Variants in EIPR1 observed in about 807,000 individuals in gnomAD.
EIPR1 encodes the protein EARP and GARP complex-interacting protein 1.
EIPR1 carries 25 observed loss-of-function variants against 48.1 expected under a neutral mutation model. The observed-to-expected ratio is 0.52, with a 90% CI of 0.38 to 0.73. The LOEUF (loss-of-function observed/expected upper bound fraction) is 0.73. EIPR1 is among the 30% of genes least tolerant of loss of function. EIPR1 has a pLI of 0.00. For missense variants in EIPR1, 415 were observed against 506.2 expected (o/e 0.82, Z 1.73); for synonymous variants, 204 against 201.9 (o/e 1.01, Z -0.09).
chr2:3,214,320 A>G, intron 4 of EIPR1, 72 bp from the exon 5 acceptor site: 1 of 1,381,590 alleles, frequency 7.2e-7, no homozygotes, highest in Non-Finnish European at 1.0e-6. Context: ...AAGAGCTGTG[A>G]TACATGTTCT....
intron 3 of EIPR1, chr2:3,319,312 G>A: frequency 4.3e-6 from 1 of 230,140 alleles, no homozygotes; most frequent in Non-Finnish European, 8.9e-6. Flanking sequence ...TGGCCCGGCA[G>A]GTCATTGCAA....
chr2:3,207,681 T>C (rs910693104), intron 5 of EIPR1: 6 of 152,216 alleles, frequency 3.9e-5, no homozygotes, highest in African/African-American at 1.2e-4. Context: ...GTTCTAAAAA[T>C]ATATAATTTG....
chr2:3,248,727 C>A (rs1454995556), intron 4 of EIPR1, among the ~76,000 whole-genome samples: 1 of 152,204 alleles, frequency 6.6e-6, no homozygotes, highest in African/African-American at 2.4e-5. Context: ...GCCAAGATGG[C>A]ACCATGACAC....
intron 3 of EIPR1, among the ~76,000 whole-genome samples, chr2:3,292,933 G>A (rs569696551): frequency 2.0e-5 from 3 of 150,754 alleles, no homozygotes; most frequent in African/African-American, 7.3e-5. Context: ...TGCAGAAAAC[G>A]AGAAAGGGAG....
chr2:3,313,183 C>T (rs181071222), intron 3 of EIPR1, among the ~76,000 whole-genome samples: 2 of 152,262 alleles, frequency 1.3e-5, no homozygotes, highest in East Asian at 1.9e-4. Context: ...GCCAGACAGC[C>T]ACCCACCCCT....
intron 2 of EIPR1, among the ~76,000 whole-genome samples, chr2:3,343,171 G>A (rs998640781): frequency 2.6e-5 from 4 of 152,154 alleles, no homozygotes; most frequent in Admixed American, 6.5e-5. Flanking sequence ...CTGCCGCCCC[G>A]CCACCTGCCC....
chr2:3,311,172 C>T (rs144180525), intron 3 of EIPR1, among the ~76,000 whole-genome samples: 215 of 152,220 alleles, frequency 1.4e-3, no homozygotes, highest in African/African-American at 5.0e-3. Context: ...ACAGGTAGAA[C>T]GGTCTCTATC....
chr2:3,369,503 A>G (rs531811617), intron 1 of EIPR1, among the ~76,000 whole-genome samples: 34 of 152,318 alleles, frequency 2.2e-4, no homozygotes, highest in African/African-American at 7.9e-4. Flanking sequence ...GTGACAGACA[A>G]CACCTGGAAA....
intron 2 of EIPR1, among the ~76,000 whole-genome samples, chr2:3,349,169 G>A (rs1447372432): frequency 1.3e-5 from 2 of 152,234 alleles, no homozygotes; most frequent in East Asian, 1.9e-4. Flanking sequence ...AGAGGGAAGC[G>A]AGCAGAGAGA....
intron 8 of EIPR1, among the ~76,000 whole-genome samples, chr2:3,190,015 G>C (rs921496736): frequency 6.6e-6 from 1 of 152,052 alleles, no homozygotes; most frequent in Non-Finnish European, 1.5e-5. Context: ...GATGGGAGTG[G>C]GGCTGGGCTG....
At chr2:3,218,535 C>G (rs1665733005) in intron 4 of EIPR1, among the ~76,000 whole-genome samples, 1 of 145,126 alleles carries the variant, frequency 6.9e-6, no homozygotes, top group Non-Finnish European at 1.5e-5. Flanking sequence ...GAGTCAGGTG[C>G]ACACTCAACA....
chr2:3,317,395 T>C (rs1669343520), intron 3 of EIPR1, among the ~76,000 whole-genome samples: 1 of 150,290 alleles, frequency 6.7e-6, no homozygotes, highest in Non-Finnish European at 1.5e-5. Flanking sequence ...GCTGAGGGCC[T>C]ACTGTGTGCC....
At chr2:3,221,830 T>C (rs1665903369) in intron 4 of EIPR1, among the ~76,000 whole-genome samples, 1 of 149,324 alleles carries the variant, frequency 6.7e-6, no homozygotes, top group Non-Finnish European at 1.5e-5. Flanking sequence ...AAGCCCACAA[T>C]GGCCGAGATA....
At chr2:3,205,791 G>C (rs1665213247) in intron 5 of EIPR1, among the ~76,000 whole-genome samples, 1 of 152,186 alleles carries the variant, frequency 6.6e-6, no homozygotes, top group Non-Finnish European at 1.5e-5. Flanking sequence ...GTCTCTTTGA[G>C]GCTTGGCTCC....
At chr2:3,190,944 G>A (rs1216127606) in intron 8 of EIPR1, among the ~76,000 whole-genome samples, 2 of 98,958 alleles carry the variant, frequency 2.0e-5, no homozygotes, top group African/African-American at 8.1e-5. Flanking sequence ...TCTACAAAAA[G>A]TTAGCCAGAC....
At chr2:3,371,993 C>T (rs1257935186) in intron 1 of EIPR1, among the ~76,000 whole-genome samples, 1 of 152,062 alleles carries the variant, frequency 6.6e-6, no homozygotes, top group African/African-American at 2.4e-5. Context: ...TAAAGCTCTC[C>T]TCAGCAAATG....
chr2:3,206,192 C>G (rs919643203), intron 5 of EIPR1, among the ~76,000 whole-genome samples: 2 of 152,206 alleles, frequency 1.3e-5, no homozygotes, highest in Non-Finnish European at 2.9e-5. Flanking sequence ...CACCCAGGCT[C>G]TTGTGGTGGG....
chr2:3,344,002 C>T (rs1162031588), intron 2 of EIPR1, among the ~76,000 whole-genome samples: 1 of 152,048 alleles, frequency 6.6e-6, no homozygotes, highest in African/African-American at 2.4e-5. Flanking sequence ...CCCAGGAGGT[C>T]AAGACAAGCC....
At chr2:3,212,592 C>T (rs1160212929) in intron 5 of EIPR1, among the ~76,000 whole-genome samples, 3 of 152,058 alleles carry the variant, frequency 2.0e-5, no homozygotes, top group Admixed American at 6.5e-5. Context: ...AGGAATGCCC[C>T]GCAAAAACAC....
Sources: allele counts gnomAD v4.1 joint callset (sites outside exome capture counted in the v4.1 genomes callset), GRCh38; gene constraint gnomAD v4.1.1; transcripts MANE v1.5; gene names NCBI Gene and HGNC (gene_info 2026-07-23, HGNC 2026-07-21).